The following RMDN1 variants were observed in gnomAD, a reference collection of about 807,000 sequenced individuals.
The protein encoded by RMDN1 is regulator of microtubule dynamics protein 1.
In RMDN1, 48 loss-of-function variants were observed where a neutral mutation model predicts 48.9. The observed-to-expected ratio is 0.98, with a 90% confidence interval of 0.78 to 1.25. The LOEUF is 1.25. Among genes scored for constraint, RMDN1 ranks in the 50% most tolerant of loss-of-function variants. RMDN1 has a pLI of 0.00. For missense variants in RMDN1, 418 were observed against 373.4 expected (o/e 1.12, Z -0.98); for synonymous variants, 148 against 132.6 (o/e 1.12, Z -0.80).
At chr8:86,477,429 G>T (rs1813573690) in intron 7 of RMDN1, 105 bp from the exon 8 acceptor site, 2 of 879,734 alleles carry the variant, frequency 2.3e-6, no homozygotes, top group Non-Finnish European at 1.7e-6. Context: ...TTTAAGTCAG[G>T]AAGTAAATCA....
At chr8:86,497,704 A>C (rs1817592146) in intron 2 of RMDN1, among the ~76,000 whole-genome samples, 1 of 151,330 alleles carries the variant, frequency 6.6e-6, no homozygotes, top group Non-Finnish European at 1.5e-5. Context: ...CTATCTCAAA[A>C]AAAAAAAAAA....
downstream of RMDN1, chr8:86,468,649 G>C (rs569590871): frequency 4.4e-6 from 2 of 455,562 alleles, no homozygotes; most frequent in Admixed American, 2.4e-5. Context: ...TTCGTTTTCA[G>C]GGTGCTGGTC....
At chr8:86,489,550 G>C (rs576551258) in intron 2 of RMDN1, among the ~76,000 whole-genome samples, 3 of 152,230 alleles carry the variant, frequency 2.0e-5, no homozygotes, top group East Asian at 3.9e-4. Flanking sequence ...AGGGTTTCTT[G>C]GCTGGGTGCG....
chr8:86,509,531 G>C (rs1483923680), upstream of RMDN1, among the ~76,000 whole-genome samples: 1 of 152,120 alleles, frequency 6.6e-6, no homozygotes, highest in Non-Finnish European at 1.5e-5. Flanking sequence ...GGTAATAAGG[G>C]AGGCGAGTCA....
intron 5 of RMDN1, chr8:86,482,047 C>T (rs1199358225): frequency 1.6e-5 from 11 of 679,112 alleles, no homozygotes; most frequent in East Asian, 5.4e-5. Flanking sequence ...ATGCTAATCA[C>T]TGGTCCTCCT....
chr8:86,482,931 C>A, intron 5 of RMDN1: 1 of 850,168 alleles, frequency 1.2e-6, no homozygotes, highest in South Asian at 1.3e-5. Flanking sequence ...CCTCCAGAGG[C>A]AGGTGGGCTC....
At chr8:86,468,795 G>A (rs1812305972), downstream of RMDN1, 4 of 441,432 alleles carry the variant, frequency 9.1e-6, no homozygotes, top group African/African-American at 6.1e-5. Flanking sequence ...AAGACCTACA[G>A]GCAGAGCTCT....
chr8:86,504,444 T>C, intron 2 of RMDN1: 1 of 1,561,072 alleles, frequency 6.4e-7, no homozygotes, highest in Non-Finnish European at 8.8e-7. Flanking sequence ...GAATCAATGT[T>C]GTGTTCTATT....
At chr8:86,468,598 G>T (rs1031306304), downstream of RMDN1, 1 of 445,530 alleles carries the variant, frequency 2.2e-6, no homozygotes, top group African/African-American at 2.0e-5. Flanking sequence ...TTCATTGTAG[G>T]TATGATTTAG....
Position 86,473,813 on chromosome 8 carries a change from T to TA in RMDN1, c.*494dup, listed in dbSNP as rs1812910800. 1.0e-6 allele frequency: 1 copy of TA among 984,240 alleles called. No individual in the cohort carries two copies. Among genetic ancestry groups the TA allele is most frequent in the African/African-American group, 1.7e-5 (1 of 57,190 alleles). The allele number at this position is 984,240 out of a possible 1,614,324, so 61.0% of individuals were successfully genotyped here. On this transcript the variant is annotated 3_prime_UTR_variant, in exon 10 of 10. Coordinates refer to ENST00000406452, the MANE Select transcript of RMDN1 (RefSeq NM_016033.3). ...CTCCATTTTTAGTCATCTCCTTACT[T>TA]AGTTCTTTACTTACACAGGTTAGCT...
At chr8:86,504,455 A>T in intron 2 of RMDN1, 1 of 1,560,396 alleles carries the variant, frequency 6.4e-7, no homozygotes, top group Non-Finnish European at 8.8e-7. Context: ...GTGTTCTATT[A>T]CTCAACAGGA....
chr8:86,477,573 C>G (rs766296280), intron 7 of RMDN1: 3 of 360,194 alleles, frequency 8.3e-6, no homozygotes, highest in Non-Finnish European at 1.5e-5. Context: ...TTGTACCAAA[C>G]TAACATCATG....
intron 2 of RMDN1, among the ~76,000 whole-genome samples, chr8:86,499,534 A>T (rs1306501243): frequency 6.6e-6 from 1 of 152,250 alleles, no homozygotes; most frequent in Non-Finnish European, 1.5e-5. Flanking sequence ...AAAGGAAATC[A>T]GAGATGACAG....
chr8:86,491,036 T>C (rs918287589), intron 2 of RMDN1, among the ~76,000 whole-genome samples: 1 of 152,108 alleles, frequency 6.6e-6, no homozygotes, highest in Non-Finnish European at 1.5e-5. Flanking sequence ...TAAATCTTTT[T>C]TGTGTGCATT....
chr8:86,486,057 G>T (rs1038432393), intron 4 of RMDN1, among the ~76,000 whole-genome samples: 2 of 152,148 alleles, frequency 1.3e-5, no homozygotes, highest in African/African-American at 4.8e-5. Context: ...CATGTGAAAA[G>T]TCATTCTAGG....
At chr8:86,484,161 G>T (rs915096399) in intron 5 of RMDN1, among the ~76,000 whole-genome samples, 2 of 152,162 alleles carry the variant, frequency 1.3e-5, no homozygotes, top group African/African-American at 4.8e-5. Flanking sequence ...GCAAGCAGAG[G>T]CTTGCTAGAA....
intron 9 of RMDN1, 179 bp from the exon 10 acceptor site, chr8:86,474,537 C>A: frequency 1.4e-6 from 1 of 690,816 alleles, no homozygotes; most frequent in African/African-American, 1.8e-5. Context: ...TAGTACACAT[C>A]CCATGACTTT....
chr8:86,510,081 C>T (rs111339900), upstream of RMDN1, among the ~76,000 whole-genome samples: 1,328 of 152,248 alleles, frequency 8.7e-3, 6 homozygotes, highest in Non-Finnish European at 0.012. Flanking sequence ...CAGGAACTCC[C>T]ATATATTCTT....
chr8:86,477,962 T>C (rs1340097761), intron 7 of RMDN1: 1 of 151,606 alleles, frequency 6.6e-6, no homozygotes. Flanking sequence ...TCACTGTTTA[T>C]TGCAGCCTTG....
Sources: allele counts gnomAD v4.1 joint callset (sites outside exome capture counted in the v4.1 genomes callset), GRCh38; gene constraint gnomAD v4.1.1; transcripts MANE v1.5; gene names NCBI Gene and HGNC (gene_info 2026-07-23, HGNC 2026-07-21).